Variants in CDH18 observed in about 807,000 individuals in gnomAD.
CDH18 encodes the protein cadherin-18.
A neutral mutation model predicts 67.9 loss-of-function variants in CDH18; 31 were observed. The observed-to-expected ratio is 0.46, with a 90% CI of 0.34 to 0.62. The LOEUF is 0.62. Ranked by LOEUF, CDH18 falls within the 20% of genes least tolerant of loss-of-function variation. The probability of loss-of-function intolerance (pLI) is 0.01; values close to 1 mark genes in which losing one functional copy is unlikely to be tolerated. For synonymous variants in CDH18, 362 were observed against 347.2 expected, an observed-to-expected ratio of 1.04 and a Z score of -0.48; for missense variants, 890 against 975.5, an observed-to-expected ratio of 0.91 and a Z score of 1.17.
intron 5 of CDH18, among the ~76,000 whole-genome samples, chr5:19,677,078 T>C (rs772341125): frequency 6.6e-6 from 1 of 151,960 alleles, no homozygotes; most frequent in Non-Finnish European, 1.5e-5. Flanking sequence ...TATTTGCCAC[T>C]GGTAACATTC....
Position 20,151,073 on chromosome 5 carries a change from G to A in CDH18, c.-518+104371C>T, listed in dbSNP as rs142835094. 3.4e-4 allele frequency among the ~76,000 whole-genome samples: 52 copies of A among 151,262 alleles called. No homozygotes were observed. The East Asian group carries it at 8.6e-3, about 25-fold the overall frequency. On this transcript the variant is annotated intron_variant, in intron 2 of 14. Transcript: ENST00000507958. ...CTATATCTGAAATATAGGGGGTTCC[G>A]CTTTGTTACATGAGTATATTGCACC... is the stretch of plus-strand genomic sequence containing the variant.
At chr5:19,875,451 T>C (rs62352172) in intron 2 of CDH18, among the ~76,000 whole-genome samples, 1 of 145,030 alleles carries the variant, frequency 6.9e-6, no homozygotes, top group African/African-American at 2.5e-5. Context: ...TCGATCGATC[T>C]ATAGATAGAT....
chr5:20,020,668 T>G (rs1407202724), intron 2 of CDH18, among the ~76,000 whole-genome samples: 1 of 152,004 alleles, frequency 6.6e-6, no homozygotes, highest in African/African-American at 2.4e-5. Flanking sequence ...GGGCCAAGGG[T>G]TGAGGCTTGG....
intron 2 of CDH18, among the ~76,000 whole-genome samples, chr5:19,850,981 T>C (rs575006294): frequency 1.3e-5 from 2 of 151,998 alleles, no homozygotes; most frequent in African/African-American, 4.8e-5. Flanking sequence ...AGACTGAATA[T>C]ATCACCTGGT....
At chr5:20,010,228 C>A (rs2150414101) in intron 2 of CDH18, among the ~76,000 whole-genome samples, 1 of 150,350 alleles carries the variant, frequency 6.7e-6, no homozygotes, top group South Asian at 2.1e-4. Flanking sequence ...TCTCTTACAT[C>A]ACTCCTTCTT....
At chr5:19,976,709 A>G (rs991223664) in intron 2 of CDH18, among the ~76,000 whole-genome samples, 1 of 152,146 alleles carries the variant, frequency 6.6e-6, no homozygotes, top group Non-Finnish European at 1.5e-5. Context: ...AAATATAATG[A>G]TACAGAGTTG....
chr5:19,969,070 G>A (rs1347081951), intron 2 of CDH18, among the ~76,000 whole-genome samples: 1 of 140,692 alleles, frequency 7.1e-6, no homozygotes, highest in Admixed American at 6.7e-5. Flanking sequence ...AGACATTTAT[G>A]CAGCCAAAAT....
At chr5:20,277,193 C>T (rs902961516) in intron 1 of CDH18, among the ~76,000 whole-genome samples, 11 of 152,078 alleles carry the variant, frequency 7.2e-5, no homozygotes, top group African/African-American at 2.7e-4. Flanking sequence ...TGCAGGCCTT[C>T]GGTGAGAACC....
intron 11 of CDH18, among the ~76,000 whole-genome samples, chr5:19,498,153 C>T (rs1370369077): frequency 2.0e-5 from 3 of 151,926 alleles, no homozygotes; most frequent in Admixed American, 2.0e-4. Context: ...AGAAAACATG[C>T]CCAATCTCTG....
intron 3 of CDH18, among the ~76,000 whole-genome samples, chr5:19,786,191 T>A (rs1775756243): frequency 6.6e-6 from 1 of 152,184 alleles, no homozygotes; most frequent in Non-Finnish European, 1.5e-5. Context: ...ATCACTAACA[T>A]AGTTCTCACA....
chr5:19,600,844 A>G (rs1747011120), intron 6 of CDH18, among the ~76,000 whole-genome samples: 2 of 152,266 alleles, frequency 1.3e-5, no homozygotes, highest in South Asian at 4.1e-4. Flanking sequence ...AAATGCCTAA[A>G]AAAACAAAGA....
chr5:19,574,669 T>C lies in CDH18; in HGVS notation c.1000-2837A>G, dbSNP rs144300054. 7.3e-3 allele frequency among the ~76,000 whole-genome samples: 1,118 copies of C among 152,226 alleles called. 12 individuals are homozygous for C. Among genetic ancestry groups the C allele is most frequent in the African/African-American group, 0.026 (1,077 of 41,498 alleles). On this transcript the variant is annotated intron_variant, in intron 7 of 12. Coordinates refer to ENST00000382275, the MANE Select transcript of CDH18 (RefSeq NM_004934.5). The stretch of plus-strand genomic sequence containing the variant: ...TCTATTACTGTAACTCTGGGAAAAC[T>C]ACTCAAGTACCCATCTTCCACACCT...
chr5:20,135,754 CT>C (rs1749657428), intron 2 of CDH18, among the ~76,000 whole-genome samples: 1 of 152,180 alleles, frequency 6.6e-6, no homozygotes, highest in African/African-American at 2.4e-5. Context: ...CCTCTACACA[CT>C]GCTTTAAATG....
intron 1 of CDH18, among the ~76,000 whole-genome samples, chr5:20,485,503 G>A (rs1482297812): frequency 1.3e-5 from 2 of 152,106 alleles, no homozygotes; most frequent in Non-Finnish European, 2.9e-5. Flanking sequence ...CAGTTTTTGT[G>A]CATTATAAAT....
intron 12 of CDH18, among the ~76,000 whole-genome samples, chr5:19,482,466 T>A (rs1237118753): frequency 6.6e-6 from 1 of 152,214 alleles, no homozygotes; most frequent in East Asian, 1.9e-4. Flanking sequence ...AAATTTAATA[T>A]CCCTCTAAGA....
chr5:20,268,215 G>T (rs1234756692), intron 1 of CDH18, among the ~76,000 whole-genome samples: 1 of 152,144 alleles, frequency 6.6e-6, no homozygotes, highest in Admixed American at 6.6e-5. Flanking sequence ...CACCTAGGTT[G>T]CTTCCATGTC....
intron 1 of CDH18, among the ~76,000 whole-genome samples, chr5:20,313,360 A>G (rs1004663358): frequency 6.6e-6 from 1 of 151,930 alleles, no homozygotes; most frequent in African/African-American, 2.4e-5. Flanking sequence ...ATAGAGACTG[A>G]TTTTTTTGTC....
chr5:20,313,988 G>A (rs1737237055), intron 1 of CDH18, among the ~76,000 whole-genome samples: 1 of 151,744 alleles, frequency 6.6e-6, no homozygotes, highest in African/African-American at 2.4e-5. Flanking sequence ...CTTTTTTTGT[G>A]TGTTTAAGAT....
intron 2 of CDH18, among the ~76,000 whole-genome samples, chr5:19,856,456 A>T (rs1470835340): frequency 6.6e-6 from 1 of 152,220 alleles, no homozygotes; most frequent in Non-Finnish European, 1.5e-5. Flanking sequence ...TGGATTACAC[A>T]TCTTTCCAAT....
Sources: gnomAD v4.1 joint callset for allele counts (sites outside exome capture counted in the v4.1 genomes callset) on GRCh38, gnomAD v4.1.1 for gene constraint, MANE v1.5 for transcripts, NCBI Gene and HGNC (gene_info 2026-07-23, HGNC 2026-07-21) for gene names.